The following ARL6 variants were observed in gnomAD, a reference collection of about 807,000 sequenced individuals.
ARL6 encodes the protein ARF like GTPase 6.
In ARL6, 18 loss-of-function variants were observed where a neutral mutation model predicts 27.1. The observed-to-expected ratio is 0.66, with a 90% CI of 0.46 to 0.98. ARL6 has a LOEUF of 0.98. Ranked by LOEUF, ARL6 falls within the 50% of genes least tolerant of loss-of-function variation. The pLI, the probability that ARL6 is intolerant of heterozygous loss-of-function variation, is 0.00. For missense variants in ARL6, 187 were observed against 214.9 expected, an observed-to-expected ratio of 0.87 and a Z score of 0.81; for synonymous variants, 65 against 72.3, an observed-to-expected ratio of 0.90 and a Z score of 0.51.
chr3:97,780,012 A>G, intron 2 of ARL6, 147 bp from the exon 3 acceptor site: 1 of 669,638 alleles, frequency 1.5e-6, no homozygotes, highest in East Asian at 2.7e-5. Flanking sequence ...ACACAGAGTG[A>G]TCCTATTGAA....
rs925113703 is a variant in ARL6, at chr3:97,768,307, G to A, written c.123+77G>A. ...AATGTGCAGAATTATGTTATATGAC[G>A]TTAAAACCGCATATAATCACATTAA... On this transcript the variant is annotated intron_variant, in intron 2 of 7. Transcript: ENST00000463745. 133 of 1,468,812 alleles carry A rather than the reference G, an allele frequency of 9.1e-5. 1 individual carries two copies. The African/African-American group carries it at 1.5e-3, about 16-fold the overall frequency. The allele number at this position is 1,468,812 out of a possible 1,614,324, so 91.0% of individuals were successfully genotyped here.
intron 1 of ARL6, among the ~76,000 whole-genome samples, chr3:97,765,214 GTGTGTGT>G (rs1559664679): frequency 2.1e-4 from 5 of 24,000 alleles, no homozygotes; most frequent in African/African-American, 1.3e-3. Flanking sequence ...TATTGGGGGT[GTGTGTGT>G]GTGTGTGTGT....
intron 4 of ARL6, among the ~76,000 whole-genome samples, chr3:97,783,580 C>T (rs990505872): frequency 7.9e-5 from 12 of 151,716 alleles, no homozygotes; most frequent in Non-Finnish European, 1.0e-4. Context: ...AGTGATTGAA[C>T]GTTTTTATAG....
Position 97,780,502 on chromosome 3 carries a change from CAT to C in ARL6, c.186-112_186-111del, listed in dbSNP as rs1485902929. On this transcript the variant is annotated intron_variant, in intron 3 of 7. Coordinates refer to ENST00000463745, the MANE Select transcript of ARL6 (RefSeq NM_001278293.3). The stretch of plus-strand genomic sequence containing the variant: ...TAGAACTTTTACTTGTAAATTGGCA[CAT>C]GTTGAATATTGCATATGAAGGGTAA... 5.9e-6 allele frequency: 5 copies of C among 846,100 alleles called. No individual in the cohort carries two copies. The East Asian group carries it at 1.3e-4, about 23-fold the overall frequency. 52.4% of individuals were successfully genotyped at this position (846,100 alleles called of 1,614,324 possible). A position where few individuals can be genotyped will look rare whatever the true frequency, so the allele number is the denominator to read the frequency against.
In ARL6 at chr3:97,768,284, T is replaced by C. The variant is rs1222757888; in HGVS notation, c.123+54T>C. The C allele has an allele frequency of 4.4e-6, 7 of 1,578,808 alleles. No individual in the cohort carries two copies. In the East Asian group the frequency reaches 1.6e-4, roughly 36 times the overall value. On this transcript the variant is annotated intron_variant, in intron 2 of 7. Coordinates refer to ENST00000463745, the MANE Select transcript of ARL6 (RefSeq NM_001278293.3). ...ATTTTCTGCTACTAAAGAAAATTAATGTGCAGAATTATGTTATATGACGTT... is the reference window on the plus strand; with the variant it reads ...ATTTTCTGCTACTAAAGAAAATTAACGTGCAGAATTATGTTATATGACGTT...
At chr3:97,767,640 A>G (rs1391439269) in intron 1 of ARL6, among the ~76,000 whole-genome samples, 1 of 152,152 alleles carries the variant, frequency 6.6e-6, no homozygotes, top group Admixed American at 6.5e-5. Context: ...CAAAATCTCA[A>G]AATCTGTCTG....
chr3:97,794,816 T>TG (rs2037923082), intron 7 of ARL6, among the ~76,000 whole-genome samples: 1 of 152,172 alleles, frequency 6.6e-6, no homozygotes, highest in African/African-American at 2.4e-5. Context: ...CCGGGAGCAG[T>TG]GGCTCATGCC....
intron 7 of ARL6, 23 bp downstream of exon 7, chr3:97,791,849 T>TC (rs1218464898): frequency 6.2e-7 from 1 of 1,601,672 alleles, no homozygotes; most frequent in Non-Finnish European, 8.5e-7. Context: ...ATACTGTGTG[T>TC]CTTCAGCCTT....
intron 2 of ARL6, among the ~76,000 whole-genome samples, chr3:97,769,046 A>C (rs1308110193): frequency 6.6e-6 from 1 of 152,058 alleles, no homozygotes; most frequent in African/African-American, 2.4e-5. Flanking sequence ...TAAGGAATTA[A>C]ATAAAATAAG....
chr3:97,791,271 A>C (rs1407774881), intron 6 of ARL6: 1 of 156,798 alleles, frequency 6.4e-6, no homozygotes, highest in African/African-American at 2.4e-5. Flanking sequence ...TCAGCTAATA[A>C]GAAAATGATT....
chr3:97,785,506 A>C (rs927824414), intron 5 of ARL6, among the ~76,000 whole-genome samples: 7 of 134,454 alleles, frequency 5.2e-5, no homozygotes, highest in South Asian at 2.3e-4. Flanking sequence ...ATATATATAT[A>C]TCTCCCAAAA....
At position 97,765,238 on chromosome 3, in the gene ARL6, G is replaced by T. The variant is rs2036322665; in HGVS notation, c.-28+261G>T. 4.1e-5 allele frequency among the ~76,000 whole-genome samples: 6 copies of T among 146,428 alleles called. No homozygotes were observed. The South Asian group carries it at 1.3e-3, about 32-fold the overall frequency. On this transcript the variant is annotated intron_variant, in intron 1 of 7. Coordinates refer to ENST00000463745, the MANE Select transcript of ARL6 (RefSeq NM_001278293.3). Reference sequence around the variant, plus strand: ...TGTGTGTGTGTGTGTGTGTGTGTGTGTGTGTGTGTGTGTAAGTGTAATTTA... The same window carrying T: ...TGTGTGTGTGTGTGTGTGTGTGTGTTTGTGTGTGTGTGTAAGTGTAATTTA...
intron 7 of ARL6, 85 bp from the exon 8 acceptor site, chr3:97,797,939 G>A (rs1404280985): frequency 1.1e-5 from 14 of 1,259,328 alleles, no homozygotes; most frequent in African/African-American, 3.0e-5. Context: ...TTTCCAACAT[G>A]TTGTATAGAT....
rs1228096886 is a variant in ARL6, at chr3:97,798,585, G to A, written c.*536G>A. The A allele has an allele frequency of 1.3e-5, 2 of 152,640 alleles. No individual in the cohort carries two copies. The highest frequency in any genetic ancestry group is 2.9e-5 in the Non-Finnish European group (2 of 68,500). 9.5% of individuals were successfully genotyped at this position (152,640 alleles called of 1,614,324 possible). On this transcript the variant is annotated 3_prime_UTR_variant, in exon 8 of 8. Coordinates refer to ENST00000463745, the MANE Select transcript of ARL6 (RefSeq NM_001278293.3). ...AAAAGAATAATGCTCTGTTAGTATG[G>A]TATTTCGTGTCATACTGTCAAGCAT... is the stretch of plus-strand genomic sequence containing the variant.
chr3:97,766,826 G>C (rs777482121), intron 1 of ARL6: 1 of 152,158 alleles, frequency 6.6e-6, no homozygotes, highest in Non-Finnish European at 1.5e-5. Context: ...AACTAATGTT[G>C]GTGAGTAATG....
chr3:97,779,044 G>A lies in ARL6; in HGVS notation c.124-1115G>A, dbSNP rs529974893. On this transcript the variant is annotated intron_variant, in intron 2 of 7. Transcript: ENST00000463745. ...GAAAGTGCTAGGAGGCATTTAACAA[G>A]TTAGATTGTTAGTATAATACATTTT... 2.6e-5 allele frequency among the ~76,000 whole-genome samples: 4 copies of A among 152,310 alleles called. No homozygotes were observed. The South Asian group carries it at 6.2e-4, about 24-fold the overall frequency.
chr3:97,790,538 G>A (rs1451809181), intron 6 of ARL6, among the ~76,000 whole-genome samples: 1 of 152,098 alleles, frequency 6.6e-6, no homozygotes, highest in Non-Finnish European at 1.5e-5. Flanking sequence ...GTTTTTAGTA[G>A]GGTAATGACA....
Position 97,789,980 on chromosome 3 carries a change from TC to T in ARL6, c.480-1790del, listed in dbSNP as rs1401745031. Among the ~76,000 whole-genome samples, 6 of 152,054 alleles carry T rather than the reference TC, an allele frequency of 3.9e-5. No homozygotes were observed. The East Asian group carries it at 1.2e-3, about 29-fold the overall frequency. On this transcript the variant is annotated intron_variant, in intron 6 of 7. Coordinates refer to ENST00000463745, the MANE Select transcript of ARL6 (RefSeq NM_001278293.3). ...CCATTGTACTAAACATATAGTCAGC[TC>T]TGATTTTCAGGGTCTGATTGTATTA...
At chr3:97,770,313 T>G (rs544129959) in intron 2 of ARL6, among the ~76,000 whole-genome samples, 17 of 152,246 alleles carry the variant, frequency 1.1e-4, no homozygotes, top group South Asian at 8.3e-4. Context: ...ATATGCCTGT[T>G]GGCCATTTGT....
Sources: gnomAD v4.1 joint callset for allele counts (sites outside exome capture counted in the v4.1 genomes callset) on GRCh38, gnomAD v4.1.1 for gene constraint, MANE v1.5 for transcripts, NCBI Gene and HGNC (gene_info 2026-07-23, HGNC 2026-07-21) for gene names.